The following KANK1 variants were observed in gnomAD, a reference collection of about 807,000 sequenced individuals.
KANK1 encodes the protein KN motif and ankyrin repeat domain-containing protein 1.
In KANK1, 109 loss-of-function variants were observed where a neutral mutation model predicts 106.2. That is an observed-to-expected ratio of 1.03 (90% CI 0.88 to 1.20). KANK1 has a LOEUF of 1.20. Ranked by LOEUF, KANK1 falls within the 50% of genes most tolerant of loss-of-function variation. The pLI, the probability that KANK1 is intolerant of heterozygous loss-of-function variation, is 0.00. For synonymous variants in KANK1, 873 were observed against 652.2 expected (o/e 1.34, Z -5.16); for missense variants, 2,399 against 1,710.7 (o/e 1.40, Z -7.10).
intron 1 of KANK1, among the ~76,000 whole-genome samples, chr9:657,567 G>GTT (rs936068935): frequency 2.0e-5 from 3 of 150,446 alleles, no homozygotes; most frequent in African/African-American, 7.3e-5. Context: ...GTTTGTTCTT[G>GTT]TTTTTTTTTA....
chr9:485,978 C>G (rs1260783093), intron 3 of KANK1, among the ~76,000 whole-genome samples: 2 of 152,078 alleles, frequency 1.3e-5, no homozygotes, highest in African/African-American at 2.4e-5. Context: ...GTCAGAGCTT[C>G]CCCTAGACTT....
intron 1 of KANK1, among the ~76,000 whole-genome samples, chr9:658,079 T>A (rs1842529566): frequency 6.6e-6 from 1 of 152,084 alleles, no homozygotes; most frequent in South Asian, 2.1e-4. Flanking sequence ...ATGTATTTTT[T>A]AAATGGAAGG....
At chr9:695,288 G>T (rs558963778) in intron 2 of KANK1, among the ~76,000 whole-genome samples, 3 of 152,192 alleles carry the variant, frequency 2.0e-5, no homozygotes, top group African/African-American at 7.2e-5. Context: ...TGAGTGTTCA[G>T]AATAATCGGC....
chr9:544,272 C>A (rs1255004639), intron 1 of KANK1, among the ~76,000 whole-genome samples: 1 of 152,244 alleles, frequency 6.6e-6, no homozygotes, highest in East Asian at 1.9e-4. Flanking sequence ...CCACCCCCCA[C>A]TTGGCCTCCC....
intron 7 of KANK1, among the ~76,000 whole-genome samples, chr9:736,217 CA>C (rs1482622981): frequency 6.6e-6 from 1 of 152,146 alleles, no homozygotes; most frequent in African/African-American, 2.4e-5. Context: ...CTTGGCCTCC[CA>C]AAGTGCTGGG....
At chr9:499,853 T>A (rs971949404), upstream of KANK1, among the ~76,000 whole-genome samples, 1 of 152,174 alleles carries the variant, frequency 6.6e-6, no homozygotes, top group Non-Finnish European at 1.5e-5. Context: ...GAGATGAACA[T>A]GTATATACTG....
rs1187058848 is a variant in KANK1 at position 562,564 on chromosome 9, C to G, written c.-84+57810C>G. Among the ~76,000 whole-genome samples the G allele has an allele frequency of 3.9e-5, 6 of 152,242 alleles. No individual in the cohort carries two copies. The East Asian group carries it at 9.7e-4, about 25-fold the overall frequency. Reference sequence around the variant, plus strand: ...AGCAAAGGGGATTCCAGCTTCACTGCTTGAGTAAGCCACTGGGCCTCTCTG... The same window carrying G: ...AGCAAAGGGGATTCCAGCTTCACTGGTTGAGTAAGCCACTGGGCCTCTCTG... On this transcript the variant is annotated intron_variant, in intron 1 of 11. Coordinates refer to ENST00000382297, the MANE Select transcript of KANK1 (RefSeq NM_015158.5).
At chr9:481,984 T>A (rs1173717658) in intron 3 of KANK1, among the ~76,000 whole-genome samples, 2 of 152,188 alleles carry the variant, frequency 1.3e-5, no homozygotes, top group East Asian at 3.8e-4. Flanking sequence ...ACCTCTCAAC[T>A]TCTTCCTCAG....
chr9:638,228 C>G (rs1837592534), intron 1 of KANK1, among the ~76,000 whole-genome samples: 1 of 152,164 alleles, frequency 6.6e-6, no homozygotes, highest in Admixed American at 6.5e-5. Context: ...AACTGAATGG[C>G]ATATAAAGAA....
chr9:636,928 G>C (rs1454366028), intron 1 of KANK1, among the ~76,000 whole-genome samples: 2 of 152,138 alleles, frequency 1.3e-5, no homozygotes, highest in East Asian at 3.8e-4. Flanking sequence ...CTTTCCCTCA[G>C]AGACTGTTTT....
At chr9:733,888 A>C (rs539210003) in intron 6 of KANK1, 1 of 152,168 alleles carries the variant, frequency 6.6e-6, no homozygotes, top group African/African-American at 2.4e-5. Flanking sequence ...TGAGGCAGGC[A>C]GGCAGATAGC....
chr9:661,940 T>C (rs561219833), intron 1 of KANK1, among the ~76,000 whole-genome samples: 6 of 152,190 alleles, frequency 3.9e-5, no homozygotes, highest in African/African-American at 9.7e-5. Context: ...GAAGTGTCTG[T>C]TCATGTCCTT....
chr9:692,271 C>T (rs967518278), intron 2 of KANK1, among the ~76,000 whole-genome samples: 2 of 152,138 alleles, frequency 1.3e-5, no homozygotes. Context: ...AGGTGATTAT[C>T]TTTGAGACAC....
intron 1 of KANK1, among the ~76,000 whole-genome samples, chr9:535,472 A>T (rs1331821190): frequency 6.6e-6 from 1 of 152,168 alleles, no homozygotes; most frequent in African/African-American, 2.4e-5. Context: ...CTGTACTGTG[A>T]GTTTTCATGT....
chr9:518,831 C>G (rs1282735211), intron 1 of KANK1, among the ~76,000 whole-genome samples: 1 of 151,464 alleles, frequency 6.6e-6, no homozygotes, highest in Non-Finnish European at 1.5e-5. Context: ...GGACCCAAGT[C>G]TTGTAGGAAA....
At chr9:677,886 G>C (rs10975749) in intron 2 of KANK1, among the ~76,000 whole-genome samples, 10,725 of 152,194 alleles carry the variant, frequency 0.07, 464 homozygotes, top group Non-Finnish European at 0.094. Flanking sequence ...GTGAAATATT[G>C]GGCAGGGCTA....
Position 676,064 on chromosome 9 carries a change from G to C in KANK1, c.-83-826G>C, listed in dbSNP as rs1288249554. On this transcript the variant is annotated intron_variant, in intron 1 of 11. Coordinates refer to ENST00000382297, the MANE Select transcript of KANK1 (RefSeq NM_015158.5). Reference sequence around the variant, plus strand: ...ATAATGAGCAGTGAGAATGACCAGAGATCACTTTCATCTCCATCTTGGTTT... The same window carrying C: ...ATAATGAGCAGTGAGAATGACCAGACATCACTTTCATCTCCATCTTGGTTT... 6.6e-5 allele frequency among the ~76,000 whole-genome samples: 10 copies of C among 152,282 alleles called. No homozygotes were observed. The South Asian group carries it at 1.9e-3, about 28-fold the overall frequency.
chr9:681,591 GA>G (rs761322046), intron 2 of KANK1, among the ~76,000 whole-genome samples: 1 of 152,164 alleles, frequency 6.6e-6, no homozygotes, highest in East Asian at 1.9e-4. Flanking sequence ...GTTGTGCAGG[GA>G]AAAAAAGAAT....
At chr9:697,308 A>G (rs1289876576) in intron 2 of KANK1, among the ~76,000 whole-genome samples, 2 of 152,186 alleles carry the variant, frequency 1.3e-5, no homozygotes, top group African/African-American at 2.4e-5. Flanking sequence ...ATGCAGATAC[A>G]TGATGTCAAC....
Sources: gnomAD v4.1 joint callset for allele counts (sites outside exome capture counted in the v4.1 genomes callset) on GRCh38, gnomAD v4.1.1 for gene constraint, MANE v1.5 for transcripts, NCBI Gene and HGNC (gene_info 2026-07-23, HGNC 2026-07-21) for gene names.